The following FILIP1 variants were observed in gnomAD, a reference collection of about 807,000 sequenced individuals.
FILIP1 encodes the protein filamin-A-interacting protein 1.
A neutral mutation model predicts 102.1 loss-of-function variants in FILIP1; 61 were observed. The observed-to-expected ratio is 0.60, with a 90% CI of 0.49 to 0.74. The LOEUF is 0.74. Among genes scored for constraint, FILIP1 ranks in the 30% least tolerant of loss-of-function variants. The pLI, the probability that FILIP1 is intolerant of heterozygous loss-of-function variation, is 0.00. For synonymous variants in FILIP1, 491 were observed against 526.9 expected (o/e 0.93, Z 0.93); for missense variants, 1,314 against 1,441.2 (o/e 0.91, Z 1.43).
At chr6:75,488,965 T>C (rs1282323572) in intron 1 of FILIP1, among the ~76,000 whole-genome samples, 2 of 152,170 alleles carry the variant, frequency 1.3e-5, no homozygotes, top group Non-Finnish European at 2.9e-5. Flanking sequence ...TAAAGTTAGC[T>C]TAAGATGACC....
intron 4 of FILIP1, among the ~76,000 whole-genome samples, chr6:75,326,207 A>G (rs902885398): frequency 6.6e-6 from 1 of 152,172 alleles, no homozygotes; most frequent in Admixed American, 6.5e-5. Context: ...AGCAACCTGG[A>G]TGGAGTTGGA....
At chr6:75,412,524 G>A (rs1173626744) in intron 2 of FILIP1, among the ~76,000 whole-genome samples, 1 of 152,080 alleles carries the variant, frequency 6.6e-6, no homozygotes, top group Non-Finnish European at 1.5e-5. Context: ...TCCAGCTTTT[G>A]CCCATTCAGT....
At chr6:75,468,874 C>A (rs2149760728) in intron 1 of FILIP1, among the ~76,000 whole-genome samples, 1 of 152,092 alleles carries the variant, frequency 6.6e-6, no homozygotes, top group East Asian at 1.9e-4. Flanking sequence ...ATACAATTTT[C>A]TTGTTAACAA....
chr6:75,445,160 A>G (rs899346770), intron 1 of FILIP1, among the ~76,000 whole-genome samples: 4 of 151,932 alleles, frequency 2.6e-5, no homozygotes, highest in Non-Finnish European at 5.9e-5. Context: ...CAACTCATAC[A>G]CTTCAAAGCT....
At chr6:75,317,372 T>C (rs1773479460) in intron 4 of FILIP1, among the ~76,000 whole-genome samples, 1 of 152,168 alleles carries the variant, frequency 6.6e-6, no homozygotes, top group African/African-American at 2.4e-5. Flanking sequence ...AGAATTGTTG[T>C]GAAGATTAAT....
chr6:75,333,669 A>C (rs1221846149), intron 4 of FILIP1, among the ~76,000 whole-genome samples: 1 of 152,188 alleles, frequency 6.6e-6, no homozygotes, highest in Non-Finnish European at 1.5e-5. Context: ...TTTCTATAAA[A>C]CGGGTCATGT....
chr6:75,478,691 G>A (rs905219095), intron 1 of FILIP1, among the ~76,000 whole-genome samples: 2 of 152,152 alleles, frequency 1.3e-5, no homozygotes, highest in Non-Finnish European at 2.9e-5. Flanking sequence ...TCGTATGTCC[G>A]AATTAATAAG....
At chr6:75,386,950 CA>C (rs1017007667) in intron 2 of FILIP1, among the ~76,000 whole-genome samples, 1 of 152,034 alleles carries the variant, frequency 6.6e-6, no homozygotes, top group African/African-American at 2.4e-5. Flanking sequence ...CCCACCAACC[CA>C]TCATCTACAT....
At chr6:75,477,856 G>A (rs1779530322) in intron 1 of FILIP1, among the ~76,000 whole-genome samples, 1 of 152,146 alleles carries the variant, frequency 6.6e-6, no homozygotes, top group Admixed American at 6.5e-5. Flanking sequence ...AATATAATTG[G>A]CTAGACTGTT....
chr6:75,372,669 GAAAGAA>G (rs1430382518), intron 2 of FILIP1, among the ~76,000 whole-genome samples: 617 of 56,962 alleles, frequency 0.011, 1 homozygote, highest in Non-Finnish European at 0.015. Flanking sequence ...AAGAAAGAAA[GAAAGAA>G]AGAAAGAAAG....
chr6:75,379,988 G>A (rs1463190209), intron 2 of FILIP1, among the ~76,000 whole-genome samples: 1 of 151,984 alleles, frequency 6.6e-6, no homozygotes, highest in East Asian at 1.9e-4. Flanking sequence ...GAGATTTTTT[G>A]TTGTTTGTTC....
At chr6:75,417,866 T>C (rs1203901483) in intron 1 of FILIP1, among the ~76,000 whole-genome samples, 1 of 152,156 alleles carries the variant, frequency 6.6e-6, no homozygotes, top group Non-Finnish European at 1.5e-5. Flanking sequence ...CATATGCTAA[T>C]TGGAAGAGGG....
rs146004751 is a variant in FILIP1, at chr6:75,417,705, A to C, written c.-6-2727T>G. ...GCTATTTCTCTCAGGTTTATAGATGAAGCTACTGAGGTTTAAATAAATTAA... is the reference window on the plus strand; with the variant it reads ...GCTATTTCTCTCAGGTTTATAGATGCAGCTACTGAGGTTTAAATAAATTAA... On this transcript the variant is annotated intron_variant, in intron 1 of 5. Coordinates refer to ENST00000237172, the MANE Select transcript of FILIP1 (RefSeq NM_015687.5). Among the ~76,000 whole-genome samples, 255 of 152,316 alleles carry C rather than the reference A, an allele frequency of 1.7e-3. 5 individuals are homozygous for C. The East Asian group carries it at 0.04, about 24-fold the overall frequency.
chr6:75,426,149 A>T (rs886299455), intron 1 of FILIP1, among the ~76,000 whole-genome samples: 5 of 152,154 alleles, frequency 3.3e-5, no homozygotes, highest in African/African-American at 1.2e-4. Flanking sequence ...ATGTGACAGA[A>T]ATGATGAGTG....
chr6:75,339,025 G>T (rs1774335248), intron 4 of FILIP1, among the ~76,000 whole-genome samples: 1 of 152,308 alleles, frequency 6.6e-6, no homozygotes, highest in East Asian at 1.9e-4. Flanking sequence ...ATCTGTTAAA[G>T]TTAGAATTGA....
intron 2 of FILIP1, among the ~76,000 whole-genome samples, chr6:75,409,014 C>A (rs938205349): frequency 3.9e-5 from 6 of 152,128 alleles, no homozygotes; most frequent in Admixed American, 2.0e-4. Context: ...CATTTTGTCT[C>A]CCTGGTGTAA....
intron 2 of FILIP1, among the ~76,000 whole-genome samples, chr6:75,369,529 T>C (rs1030910334): frequency 4.6e-5 from 7 of 152,230 alleles, no homozygotes; most frequent in East Asian, 1.9e-4. Flanking sequence ...CTAATTATTA[T>C]GTCTGACGAC....
rs1390732876 is a variant in FILIP1 at position 75,439,065 on chromosome 6, T to A, written c.-6-24087A>T. On this transcript the variant is annotated intron_variant, in intron 1 of 5. Coordinates refer to ENST00000237172, the MANE Select transcript of FILIP1 (RefSeq NM_015687.5). The stretch of plus-strand genomic sequence containing the variant: ...AATGAAATGTCTCCAGATCTTTGAA[T>A]TCACTCTTCAGCATGTTAACACAGA... 2.0e-5 allele frequency among the ~76,000 whole-genome samples: 3 copies of A among 152,230 alleles called. 1 individual carries two copies. Among genetic ancestry groups the A allele is most frequent in the African/African-American group, 7.2e-5 (3 of 41,468 alleles).
intron 1 of FILIP1, among the ~76,000 whole-genome samples, chr6:75,484,140 G>C (rs542003813): frequency 5.7e-4 from 86 of 152,114 alleles, no homozygotes; most frequent in African/African-American, 1.9e-3. Context: ...CATAGAAAGG[G>C]ACCCAGAAAG....
Sources: allele counts gnomAD v4.1 joint callset (sites outside exome capture counted in the v4.1 genomes callset), GRCh38; gene constraint gnomAD v4.1.1; transcripts MANE v1.5; gene names NCBI Gene and HGNC (gene_info 2026-07-23, HGNC 2026-07-21).